CD300LG: variants seen among roughly 807,000 people sequenced by gnomAD.
CD300LG encodes CD300 molecule like family member g, also known as CMRF35-like molecule 9.
CD300LG carries 29 observed loss-of-function variants against 31.5 expected under a neutral mutation model. The observed-to-expected ratio is 0.92, with a 90% CI of 0.68 to 1.25. The LOEUF is 1.25. Among genes scored for constraint, CD300LG ranks in the 50% most tolerant of loss-of-function variants. The pLI, the probability that CD300LG is intolerant of heterozygous loss-of-function variation, is 0.00. For synonymous variants in CD300LG, 175 were observed against 177.2 expected, an observed-to-expected ratio of 0.99 and a Z score of 0.10; for missense variants, 396 against 417.6, an observed-to-expected ratio of 0.95 and a Z score of 0.45.
At chr17:43,858,869 A>G (rs1363942015) in intron 6 of CD300LG, among the ~76,000 whole-genome samples, 1 of 152,150 alleles carries the variant, frequency 6.6e-6, no homozygotes, top group African/African-American at 2.4e-5. Context: ...TTCTTTCCCT[A>G]AGAGATCTTG....
chr17:43,850,860 G>A (rs115624787), intron 2 of CD300LG, among the ~76,000 whole-genome samples: 1,964 of 152,178 alleles, frequency 0.013, 39 homozygotes, highest in African/African-American at 0.045. Context: ...TATAAGTCCC[G>A]GCATGGTGGC....
chr17:43,861,202 C>T (rs1291550143), intron 6 of CD300LG: 1 of 985,252 alleles, frequency 1.0e-6, no homozygotes, highest in African/African-American at 1.7e-5. Flanking sequence ...GGTCTCTCAC[C>T]ATCCCCGAGC....
chr17:43,847,375 C>CCCCG, intron 1 of CD300LG, 116 bp downstream of exon 1: 1 of 832,996 alleles, frequency 1.2e-6, no homozygotes. Flanking sequence ...CTCCTCAGCC[C>CCCCG]TAGGGGAGCG....
rs192785305 is a variant in CD300LG at position 43,861,802 on chromosome 17, C to T, written c.890C>T (p.Ala297Val). The T allele has an allele frequency of 3.8e-5, 61 of 1,601,122 alleles. No individual in the cohort carries two copies. The highest frequency in any genetic ancestry group is 9.4e-5 in the African/African-American group (7 of 74,428). ...ACCCCACTGTTGTCTTTACAGACTG[C>T]GGAGGAAAAGGAAGCCCCTTCCCAG... ...NEKFCLSRLTAEEKEAPSQAP... is the reference protein window; with the variant it reads ...NEKFCLSRLTVEEKEAPSQAP... The change falls in exon 7 of 7, where the codon GCG (alanine) becomes GTG (valine). Residue 297 changes from alanine to valine, a missense_variant. Ala to Val is a moderately conservative substitution (Grantham distance 64). Coordinates refer to ENST00000317310, the MANE Select transcript of CD300LG (RefSeq NM_145273.4).
chr17:43,856,733 G>C (rs1189322538), intron 5 of CD300LG, among the ~76,000 whole-genome samples: 1 of 152,198 alleles, frequency 6.6e-6, no homozygotes, highest in Non-Finnish European at 1.5e-5. Context: ...ACCCTTGGTA[G>C]CCTGTTAGAA....
intron 2 of CD300LG, among the ~76,000 whole-genome samples, chr17:43,850,989 G>A (rs1160260330): frequency 2.6e-5 from 4 of 151,940 alleles, no homozygotes; most frequent in Non-Finnish European, 5.9e-5. Flanking sequence ...ATAAAAATTA[G>A]CCGGGCATAG....
chr17:43,861,834 G>T lies in CD300LG; in HGVS notation c.922G>T (p.Glu308Ter), dbSNP rs199843983. 7.4e-6 allele frequency: 12 copies of T among 1,612,376 alleles called. No individual in the cohort carries two copies. The highest frequency in any genetic ancestry group is 1.0e-5 in the Non-Finnish European group (12 of 1,179,376). Reference sequence around the variant, plus strand: ...AAAGGAAGCCCCTTCCCAGGCCCCTGAGGGGGACGTGATCTCGATGCCTCC... The same window carrying T: ...AAAGGAAGCCCCTTCCCAGGCCCCTTAGGGGGACGTGATCTCGATGCCTCC... Reference protein sequence around the residue: ...EEKEAPSQAPEGDVISMPPLH... With the variant: ...EEKEAPSQAP The change falls in exon 7 of 7, where the codon GAG (glutamate) becomes TAG (stop). Residue 308 changes from glutamate (E) to a stop codon, truncating the protein, a stop_gained. Coordinates refer to ENST00000317310, the MANE Select transcript of CD300LG (RefSeq NM_145273.4). LOFTEE classifies it low-confidence loss of function (END_TRUNC).
chr17:43,852,873 C>A, intron 2 of CD300LG, 39 bp from the exon 3 acceptor site: 2 of 1,506,754 alleles, frequency 1.3e-6, no homozygotes, highest in Non-Finnish European at 1.8e-6. Context: ...GGGTTCAGAG[C>A]GGTGCCACCC....
chr17:43,858,113 A>G, intron 6 of CD300LG: 3 of 1,355,048 alleles, frequency 2.2e-6, no homozygotes, highest in South Asian at 3.2e-5. Flanking sequence ...AAGCGGAGCT[A>G]CCATTGCCTT....
Position 43,853,911 on chromosome 17 carries a change from TCTC to T in CD300LG, c.587_589del (p.Ser196_Gln197delinsTer). On this transcript the variant is annotated stop_gained and inframe_deletion, in exon 4 of 7. Transcript: ENST00000317310. LOFTEE classifies it high-confidence loss of function. ...TTCCCAGTACGGGCACGAAAGGACT[TCTC>T]AGTACACAGGAACCTCTCCTCACCC... 1 of 1,613,984 alleles carries T rather than the reference TCTC, an allele frequency of 6.2e-7. No individual in the cohort carries two copies.
intron 6 of CD300LG, chr17:43,857,760 AT>A: frequency 6.5e-7 from 1 of 1,536,208 alleles, no homozygotes; most frequent in Middle Eastern, 1.7e-4. Context: ...CAGGACCCAG[AT>A]TTCTTGACTC....
At chr17:43,848,225 A>G (rs1415107380) in intron 1 of CD300LG, among the ~76,000 whole-genome samples, 1 of 152,054 alleles carries the variant, frequency 6.6e-6, no homozygotes, top group Non-Finnish European at 1.5e-5. Context: ...CTGGGCGGCA[A>G]AGTGAGACTC....
rs1567858030 is a variant in CD300LG at position 43,861,831 on chromosome 17, CCT to C, written c.920_921del (p.Pro307ArgfsTer14). 4 of 1,612,240 alleles carry C rather than the reference CCT, an allele frequency of 2.5e-6. No homozygotes were observed. The South Asian group carries it at 4.4e-5, about 18-fold the overall frequency. On this transcript the variant is annotated frameshift_variant, in exon 7 of 7. Transcript: ENST00000317310. LOFTEE classifies it low-confidence loss of function (END_TRUNC). ...AEEKEAPSQA[P>X]EGDVISMPPL... is the part of the protein sequence containing the mutation. ...GGAAAAGGAAGCCCCTTCCCAGGCC[CCT>C]GAGGGGGACGTGATCTCGATGCCTC... is the stretch of plus-strand genomic sequence containing the variant.
At chr17:43,858,652 A>T in intron 6 of CD300LG, 1 of 985,424 alleles carries the variant, frequency 1.0e-6, no homozygotes, top group Non-Finnish European at 1.2e-6. Flanking sequence ...AAACACGATC[A>T]GGTGGGTGCT....
Position 43,853,977 on chromosome 17 carries a change from A to AT in CD300LG, c.653dup (p.Met218IlefsTer21). On this transcript the variant is annotated frameshift_variant, in exon 4 of 7. Coordinates refer to ENST00000317310, the MANE Select transcript of CD300LG (RefSeq NM_145273.4). LOFTEE classifies it high-confidence loss of function. ...TCCTGCAGGGAGCTCCCGCCCCCCC[A>AT]TGCAGCTGGACTCCACCTCAGCAGA... 3 of 1,614,136 alleles carry AT rather than the reference A, an allele frequency of 1.9e-6. No individual in the cohort carries two copies. The highest frequency in any genetic ancestry group is 2.5e-6 in the Non-Finnish European group (3 of 1,180,000).
At position 43,855,330 on chromosome 17, in the gene CD300LG, G is replaced by A. The variant is rs2046487050; in HGVS notation, c.832+11G>A. ...TGTGGAGAAAGGAAGGTGAGCAAAG[G>A]TGGGCGGCAGGAAGGCGGGAGGCTC... On this transcript the variant is annotated intron_variant, in intron 5 of 6. Coordinates refer to ENST00000317310, the MANE Select transcript of CD300LG (RefSeq NM_145273.4). The A allele has an allele frequency of 4.0e-6, 6 of 1,516,038 alleles. No individual in the cohort carries two copies. The highest frequency in any genetic ancestry group is 3.5e-6 in the Non-Finnish European group (4 of 1,130,518). 93.9% of individuals were successfully genotyped at this position (1,516,038 alleles called of 1,614,324 possible). A position where few individuals can be genotyped will look rare whatever the true frequency, so the allele number is the denominator to read the frequency against.
intron 2 of CD300LG, among the ~76,000 whole-genome samples, chr17:43,852,229 A>G (rs1322057188): frequency 1.3e-5 from 2 of 149,706 alleles, no homozygotes; most frequent in Non-Finnish European, 3.0e-5. Context: ...TTTAGAGACG[A>G]AGTTTTGCTG....
intron 3 of CD300LG, among the ~76,000 whole-genome samples, chr17:43,853,473 G>A (rs1431686673): frequency 6.6e-6 from 1 of 152,162 alleles, no homozygotes; most frequent in East Asian, 1.9e-4. Context: ...GGGACTGTAG[G>A]GGGAGGGCAG....
At position 43,853,034 on chromosome 17, in the gene CD300LG, C is replaced by T. The variant is rs368178126; in HGVS notation, c.481+21C>T. 22 of 1,592,316 alleles carry T rather than the reference C, an allele frequency of 1.4e-5. No individual in the cohort carries two copies. In the African/African-American group the frequency reaches 2.7e-4, roughly 19 times the overall value. The stretch of plus-strand genomic sequence containing the variant: ...ATTGAGTGAGTGAATGGCAATTCCG[C>T]CCCTTCCCTTGCCACCCTTCTTACA... On this transcript the variant is annotated intron_variant, in intron 3 of 6. Coordinates refer to ENST00000317310, the MANE Select transcript of CD300LG (RefSeq NM_145273.4).
Sources: allele counts gnomAD v4.1 joint callset (sites outside exome capture counted in the v4.1 genomes callset), GRCh38; gene constraint gnomAD v4.1.1; transcripts MANE v1.5; gene names NCBI Gene and HGNC (gene_info 2026-07-23, HGNC 2026-07-21).